The following NLRC3 variants were observed in gnomAD, a reference collection of about 807,000 sequenced individuals.
The protein encoded by NLRC3 is NLR family CARD domain containing 3.
In NLRC3, 87 loss-of-function variants were observed where a neutral mutation model predicts 91.6. That is an observed-to-expected ratio of 0.95 (90% CI 0.80 to 1.14). The LOEUF is 1.14. Among genes scored for constraint, NLRC3 ranks in the 50% most tolerant of loss-of-function variants. The probability of loss-of-function intolerance (pLI) is 0.00; values close to 1 mark genes in which losing one functional copy is unlikely to be tolerated. For missense variants in NLRC3, 1,577 were observed against 1,418.6 expected (o/e 1.11, Z -1.79); for synonymous variants, 694 against 625.3 (o/e 1.11, Z -1.64).
chr16:3,576,755 C>T (rs867153885), intron 1 of NLRC3, among the ~76,000 whole-genome samples: 3 of 152,168 alleles, frequency 2.0e-5, no homozygotes, highest in Non-Finnish European at 4.4e-5. Context: ...CTACGCCTCC[C>T]GGGTTCAAGC....
intron 1 of NLRC3, among the ~76,000 whole-genome samples, chr16:3,576,266 TC>T (rs2040287870): frequency 6.6e-6 from 1 of 152,158 alleles, no homozygotes; most frequent in African/African-American, 2.4e-5. Flanking sequence ...TGGCACTTCT[TC>T]CGAGAAGGCC....
At chr16:3,542,346 T>C in intron 18 of NLRC3, 72 bp from the exon 19 acceptor site, 2 of 931,710 alleles carry the variant, frequency 2.1e-6, no homozygotes, top group Admixed American at 2.0e-5. Flanking sequence ...GAAGCAACAG[T>C]GCATTGTCTG....
At chr16:3,560,074 A>G (rs2039536881) in intron 6 of NLRC3, among the ~76,000 whole-genome samples, 1 of 152,184 alleles carries the variant, frequency 6.6e-6, no homozygotes, top group African/African-American at 2.4e-5. Context: ...GTAAATTGCC[A>G]TTAACTCAGA....
intron 9 of NLRC3, among the ~76,000 whole-genome samples, chr16:3,553,546 G>A (rs773940721): frequency 1.3e-5 from 2 of 152,158 alleles, no homozygotes; most frequent in African/African-American, 4.8e-5. Context: ...GCCTGAGGAC[G>A]AGGGTCCTGT....
At chr16:3,560,417 C>T (rs2039553748) in intron 6 of NLRC3, among the ~76,000 whole-genome samples, 1 of 151,654 alleles carries the variant, frequency 6.6e-6, no homozygotes, top group African/African-American at 2.4e-5. Context: ...AGGGAGACTC[C>T]GTCTCAAAAC....
At chr16:3,556,865 T>A (rs769620794) in intron 8 of NLRC3, 46 bp downstream of exon 8, 1 of 1,364,334 alleles carries the variant, frequency 7.3e-7, no homozygotes, top group Non-Finnish European at 1.0e-6. Context: ...GAGGGTTTTC[T>A]GGGCCCTCTC....
chr16:3,561,693 CTG>C lies in NLRC3; in HGVS notation c.2015+7_2015+8del, dbSNP rs766326057. On this transcript the variant is annotated splice_region_variant and intron_variant, in intron 6 of 19. Transcript: ENST00000359128. ...TAGGCACCCTGGAGGTCCCCTGGGT[CTG>C]TGTTACCTGATCTTCTGAATGCGAC... The C allele has an allele frequency of 1.2e-6, 2 of 1,601,204 alleles. No homozygotes were observed. Among genetic ancestry groups the C allele is most frequent in the South Asian group, 1.1e-5 (1 of 90,768 alleles).
intron 6 of NLRC3, 85 bp from the exon 7 acceptor site, chr16:3,557,761 C>T (rs2039415409): frequency 1.2e-6 from 1 of 826,170 alleles, no homozygotes; most frequent in South Asian, 1.5e-5. Context: ...GTGATTAATC[C>T]TCTAGGCTCC....
chr16:3,548,598 A>C, intron 14 of NLRC3, 72 bp downstream of exon 14: 1 of 1,145,130 alleles, frequency 8.7e-7, no homozygotes, highest in South Asian at 1.4e-5. Flanking sequence ...TGGCCTGTGC[A>C]TCGTTGGTTT....
chr16:3,576,015 C>A (rs1037841886), intron 1 of NLRC3, among the ~76,000 whole-genome samples: 2 of 152,190 alleles, frequency 1.3e-5, no homozygotes, highest in Non-Finnish European at 1.5e-5. Context: ...ACCTGCACCT[C>A]AGGGCCCTAC....
Position 3,563,940 on chromosome 16 carries a change from T to G in NLRC3, c.997A>C (p.Arg333=). The change falls in exon 5 of 20, where the codon AGG becomes CGG. Residue 333 remains arginine (R), a synonymous_variant. Coordinates refer to ENST00000359128, the MANE Select transcript of NLRC3 (RefSeq NM_178844.4). ...TGGCCTAGCGCCATCCCCGTGAGCC[T>G]GCAGAAGGCTGGGACGGTGCACATC... is the stretch of plus-strand genomic sequence containing the variant. ...YLMCTVPAFC[R]LTGMALGHLW... is the part of the protein sequence containing the mutation. The G allele has an allele frequency of 6.3e-7, 1 of 1,593,964 alleles. No individual in the cohort carries two copies. The highest frequency in any genetic ancestry group is 8.5e-7 in the Non-Finnish European group (1 of 1,172,216).
intron 8 of NLRC3, among the ~76,000 whole-genome samples, chr16:3,554,678 A>G (rs1046971924): frequency 1.3e-5 from 2 of 152,288 alleles, no homozygotes; most frequent in East Asian, 3.9e-4. Flanking sequence ...GGAATGCAAA[A>G]TGGTCCGCTG....
At chr16:3,552,724 G>A (rs528161674) in intron 9 of NLRC3, among the ~76,000 whole-genome samples, 1 of 152,128 alleles carries the variant, frequency 6.6e-6, no homozygotes, top group Non-Finnish European at 1.5e-5. Context: ...GGCGGATCAC[G>A]ATGTTAACAG....
At chr16:3,547,653 T>C in intron 15 of NLRC3, among the ~76,000 whole-genome samples, 1 of 151,996 alleles carries the variant, frequency 6.6e-6, no homozygotes, top group East Asian at 1.9e-4. Flanking sequence ...TGTGTGTGTG[T>C]ATGTATATAT....
chr16:3,557,103 A>G, intron 7 of NLRC3, 109 bp from the exon 8 acceptor site: 1 of 736,386 alleles, frequency 1.4e-6, no homozygotes, highest in Non-Finnish European at 2.4e-6. Context: ...GGAATGTGTA[A>G]GGGCTTAGGA....
chr16:3,563,689 G>C lies in NLRC3; in HGVS notation c.1248C>G (p.Tyr416Ter). ...CACCAAACGCCTTCATGTCTTGCTC[G>C]TAAAACACGTATTTCTTCTTGAGCA... is the stretch of plus-strand genomic sequence containing the variant. ...HGLLKKKYVFYEQDMKAFGVD... is the reference protein window; with the variant it reads ...HGLLKKKYVF The change falls in exon 5 of 20, where the codon TAC becomes TAG. Residue 416 changes from tyrosine (Y) to a stop codon, truncating the protein, a stop_gained. Transcript: ENST00000359128. LOFTEE classifies it high-confidence loss of function. 6.2e-7 allele frequency: 1 copy of C among 1,613,670 alleles called. No individual in the cohort carries two copies. The highest frequency in any genetic ancestry group is 8.5e-7 in the Non-Finnish European group (1 of 1,179,844).
chr16:3,551,726 T>A (rs995156786), intron 10 of NLRC3, among the ~76,000 whole-genome samples: 1 of 77,438 alleles, frequency 1.3e-5, no homozygotes, highest in Non-Finnish European at 2.5e-5. Flanking sequence ...TACTCGTTCA[T>A]TCAACCATCC....
intron 1 of NLRC3, among the ~76,000 whole-genome samples, chr16:3,571,332 C>T (rs890692635): frequency 3.3e-5 from 5 of 150,428 alleles, no homozygotes; most frequent in East Asian, 1.9e-4. Context: ...TACAGTGAGA[C>T]GTAAAACTCA....
At chr16:3,571,225 T>C (rs1275059154) in intron 1 of NLRC3, among the ~76,000 whole-genome samples, 2 of 152,108 alleles carry the variant, frequency 1.3e-5, no homozygotes, top group Non-Finnish European at 2.9e-5. Context: ...TATTTTCAGG[T>C]CAATTAAGGA....
Sources: gnomAD v4.1 joint callset for allele counts (sites outside exome capture counted in the v4.1 genomes callset) on GRCh38, gnomAD v4.1.1 for gene constraint, MANE v1.5 for transcripts, NCBI Gene and HGNC (gene_info 2026-07-23, HGNC 2026-07-21) for gene names.